The following KIF20B variants were observed in gnomAD, a reference collection of about 807,000 sequenced individuals.
The protein encoded by KIF20B is kinesin family member 20B.
A neutral mutation model predicts 232.5 loss-of-function variants in KIF20B; 188 were observed. The observed-to-expected ratio is 0.81, with a 90% CI of 0.72 to 0.91. KIF20B has a LOEUF of 0.91. KIF20B is among the 40% of genes least tolerant of loss of function. The pLI is 0.00. For missense variants in KIF20B, 2,154 were observed against 2,055.9 expected (o/e 1.05, Z -0.92); for synonymous variants, 712 against 683.0 (o/e 1.04, Z -0.66).
At position 89,723,990 on chromosome 10, in the gene KIF20B, GA is replaced by G. The variant is rs753332734; in HGVS notation, c.1758del (p.Lys586AsnfsTer2). 69 of 1,534,728 alleles carry G rather than the reference GA, an allele frequency of 4.5e-5. No homozygotes were observed. Among genetic ancestry groups the G allele is most frequent in the Admixed American group, 1.0e-4 (5 of 47,996 alleles). ...RKLLDLIEDL[K>X]KKLINEKKEK... ...AACTGTTGGACTTAATAGAAGACTT[GA>G]AAAAAAAACTGATAAATGAAAAAAA... On this transcript the variant is annotated frameshift_variant, in exon 14 of 33. Coordinates refer to ENST00000371728, the MANE Select transcript of KIF20B (RefSeq NM_001284259.2). LOFTEE classifies it high-confidence loss of function.
At chr10:89,739,532 C>T (rs1182708052) in intron 21 of KIF20B, among the ~76,000 whole-genome samples, 1 of 74,878 alleles carries the variant, frequency 1.3e-5, no homozygotes. Flanking sequence ...TTCGAGCTGT[C>T]AAGTTTACCT....
chr10:89,751,780 G>T (rs1478541889), intron 24 of KIF20B, among the ~76,000 whole-genome samples: 2 of 151,952 alleles, frequency 1.3e-5, no homozygotes, highest in Non-Finnish European at 2.9e-5. Flanking sequence ...TTTCACCTTT[G>T]TCAGGCTTTT....
chr10:89,729,969 TTA>T (rs1289360939), intron 18 of KIF20B, among the ~76,000 whole-genome samples: 3 of 152,306 alleles, frequency 2.0e-5, no homozygotes, highest in African/African-American at 7.2e-5. Context: ...AGGTGCTTTT[TTA>T]TGTCTTTTCT....
chr10:89,717,748 G>A (rs765402722), intron 11 of KIF20B, 26 bp downstream of exon 11: 8 of 1,503,398 alleles, frequency 5.3e-6, no homozygotes, highest in South Asian at 5.1e-5. Flanking sequence ...AGTGTTATTA[G>A]CATATTAAAT....
At chr10:89,737,082 A>G (rs964062899) in intron 19 of KIF20B, among the ~76,000 whole-genome samples, 18 of 152,108 alleles carry the variant, frequency 1.2e-4, no homozygotes, top group African/African-American at 4.1e-4. Context: ...TACAAAATTT[A>G]AATAATACTG....
intron 5 of KIF20B, among the ~76,000 whole-genome samples, chr10:89,710,716 A>G (rs1842820082): frequency 6.6e-6 from 1 of 152,238 alleles, no homozygotes; most frequent in African/African-American, 2.4e-5. Context: ...GGGTGGTTAC[A>G]AATCTTAATA....
chr10:89,710,250 C>A (rs942443766), intron 5 of KIF20B, among the ~76,000 whole-genome samples, 185 bp downstream of exon 5: 5 of 142,764 alleles, frequency 3.5e-5, no homozygotes, highest in African/African-American at 1.3e-4. Flanking sequence ...GGGACAGAGT[C>A]TCACTCTGTT....
chr10:89,763,886 TTTTATTTA>T lies in KIF20B; in HGVS notation c.4989+1066_4989+1073del, dbSNP rs201499620. ...TTAATAGTATTATTTATTTATATAT[TTTTATTTA>T]TTTATTTATTTATTATTATACTTTA... On this transcript the variant is annotated intron_variant, in intron 29 of 32. Transcript: ENST00000371728. 2.0e-5 allele frequency among the ~76,000 whole-genome samples: 3 copies of T among 146,824 alleles called. No homozygotes were observed. The East Asian group carries it at 6.0e-4, about 29-fold the overall frequency.
intron 2 of KIF20B, among the ~76,000 whole-genome samples, chr10:89,707,164 ATTTTTAG>A (rs1422173472): frequency 2.0e-5 from 3 of 152,144 alleles, no homozygotes; most frequent in Non-Finnish European, 2.9e-5. Flanking sequence ...TATTGTAAAT[ATTTTTAG>A]TTGCTTTATT....
chr10:89,746,728 C>T (rs561353741), intron 23 of KIF20B, among the ~76,000 whole-genome samples: 1 of 152,362 alleles, frequency 6.6e-6, no homozygotes, highest in South Asian at 2.1e-4. Context: ...ACTTCCCTGC[C>T]TGCCTCCCAT....
intron 13 of KIF20B, 136 bp from the exon 14 acceptor site, chr10:89,723,828 G>T: frequency 1.3e-6 from 1 of 743,204 alleles, no homozygotes; most frequent in Non-Finnish European, 1.9e-6. Flanking sequence ...TTTTCAGTGA[G>T]AACATTATCA....
rs752128462 is a variant in KIF20B, at chr10:89,768,392, G to A, written c.5091+1G>A. ...TTCTTCTGTCAAAAAGGAACAAAAG[G>A]TGTGTCTTTTAATTTGTCCAAAATT... On this transcript the variant is annotated splice_donor_variant, in intron 30 of 32. Coordinates refer to ENST00000371728, the MANE Select transcript of KIF20B (RefSeq NM_001284259.2). LOFTEE classifies it high-confidence loss of function. 8 of 1,521,318 alleles carry A rather than the reference G, an allele frequency of 5.3e-6. No homozygotes were observed. Among genetic ancestry groups the A allele is most frequent in the Non-Finnish European group, 6.3e-6 (7 of 1,113,734 alleles). The allele number at this position is 1,521,318 out of a possible 1,614,324, so 94.2% of individuals were successfully genotyped here.
chr10:89,709,999 A>G lies in KIF20B; in HGVS notation c.424A>G (p.Lys142Glu), dbSNP rs767867106. 3.7e-6 allele frequency: 6 copies of G among 1,613,030 alleles called. No homozygotes were observed. Among genetic ancestry groups the G allele is most frequent in the Non-Finnish European group, 4.2e-6 (5 of 1,179,566 alleles). Residue 142 changes from lysine to glutamate, a missense_variant, in exon 5 of 33, where the codon AAA becomes GAA. Coordinates refer to ENST00000371728, the MANE Select transcript of KIF20B (RefSeq NM_001284259.2). ...CIMQPVKDLL[K>E]GQSRLIFTYG... ...TATGCAACCAGTAAAAGACCTCTTG[A>G]AAGGACAGAGTCGTCTGATTTTTAC...
At chr10:89,714,139 A>G in intron 7 of KIF20B, 56 bp downstream of exon 7, 1 of 982,584 alleles carries the variant, frequency 1.0e-6, no homozygotes, top group Non-Finnish European at 1.5e-6. Flanking sequence ...AGTACACTTG[A>G]AAAGCTTTTA....
rs1843143060 is a variant in KIF20B at position 89,724,706 on chromosome 10, ATTC to A, written c.1863-309_1863-307del. Among the ~76,000 whole-genome samples, 3 of 151,928 alleles carry A rather than the reference ATTC, an allele frequency of 2.0e-5. No homozygotes were observed. In the South Asian group the frequency reaches 6.2e-4, roughly 32 times the overall value. On this transcript the variant is annotated intron_variant, in intron 14 of 32. Transcript: ENST00000371728. Reference sequence around the variant, plus strand: ...AACCTGCACCTCCTGGGTTCAAGCAATTCTTCTGCCTTAGCCTCTCCTGCCTTA... The same window carrying A: ...AACCTGCACCTCCTGGGTTCAAGCAATTCTGCCTTAGCCTCTCCTGCCTTA...
intron 28 of KIF20B, 60 bp from the exon 29 acceptor site, chr10:89,762,578 T>C (rs533722573): frequency 7.7e-7 from 1 of 1,302,732 alleles, no homozygotes; most frequent in Non-Finnish European, 1.1e-6. Flanking sequence ...GAATTAATTC[T>C]TTGTGGTTTA....
At chr10:89,751,547 T>C in intron 24 of KIF20B, 76 bp downstream of exon 24, 1 of 1,358,666 alleles carries the variant, frequency 7.4e-7, no homozygotes, top group Non-Finnish European at 1.0e-6. Flanking sequence ...TCTTCCCTTG[T>C]TAAAGTAGTA....
rs1245786437 is a variant in KIF20B, at chr10:89,774,045, AT to A, written c.5461del (p.Ter1821LysfsTer44). The A allele has an allele frequency of 1.3e-6, 2 of 1,568,700 alleles. No individual in the cohort carries two copies. Among genetic ancestry groups the A allele is most frequent in the African/African-American group, 2.7e-5 (2 of 73,962 alleles). ...GACGACTTCGAACAAAAACAGCCAA[AT>A]AAATCACTTATGGAAATGTTTAATA... ...KRRLRTKTAK[*>X] On this transcript the variant is annotated frameshift_variant and stop_lost, in exon 33 of 33. Transcript: ENST00000371728. LOFTEE classifies it high-confidence loss of function.
chr10:89,741,221 G>C (rs1306569776), intron 21 of KIF20B, among the ~76,000 whole-genome samples: 2 of 152,098 alleles, frequency 1.3e-5, no homozygotes, highest in Non-Finnish European at 2.9e-5. Flanking sequence ...TCACAATAGG[G>C]TTTGCACTCC....
Sources: gnomAD v4.1 joint callset for allele counts (sites outside exome capture counted in the v4.1 genomes callset) on GRCh38, gnomAD v4.1.1 for gene constraint, MANE v1.5 for transcripts, NCBI Gene and HGNC (gene_info 2026-07-23, HGNC 2026-07-21) for gene names.